Variants in CABIN1 observed in about 807,000 individuals in gnomAD.
CABIN1 encodes calcineurin binding protein 1.
A neutral mutation model predicts 227.7 loss-of-function variants in CABIN1; 133 were observed. That is an observed-to-expected ratio of 0.58 (90% CI 0.51 to 0.67). CABIN1 has a LOEUF of 0.67. CABIN1 is among the 30% of genes least tolerant of loss of function. CABIN1 has a pLI of 0.00. For missense variants in CABIN1, 2,408 were observed against 2,852.5 expected (o/e 0.84, Z 3.55); for synonymous variants, 1,086 against 1,155.1 (o/e 0.94, Z 1.21).
At chr22:24,152,084 G>A (rs1056399073) in intron 29 of CABIN1, among the ~76,000 whole-genome samples, 7 of 152,192 alleles carry the variant, frequency 4.6e-5, no homozygotes, top group South Asian at 2.1e-4. Context: ...ACCAGGTGCC[G>A]CATGTGCCGT....
chr22:24,114,091 G>A (rs1448487894), intron 27 of CABIN1, among the ~76,000 whole-genome samples: 2 of 150,318 alleles, frequency 1.3e-5, no homozygotes, highest in African/African-American at 5.0e-5. Flanking sequence ...TGTTGTTGTT[G>A]GTAAATGGTT....
At chr22:24,035,986 A>G (rs1053344017) in intron 2 of CABIN1, 103 bp from the exon 3 acceptor site, 1 of 818,238 alleles carries the variant, frequency 1.2e-6, no homozygotes, top group Non-Finnish European at 2.2e-6. Flanking sequence ...TCAAGGTAGA[A>G]TAGATCATAT....
chr22:24,071,215 A>G, intron 17 of CABIN1, 173 bp downstream of exon 17: 2 of 845,530 alleles, frequency 2.4e-6, no homozygotes, highest in South Asian at 3.1e-5. Context: ...GCAGGCTGCA[A>G]ACCTTCCTGG....
chr22:24,063,989 G>A (rs1432612395), intron 14 of CABIN1, 46 bp from the exon 15 acceptor site: 3 of 1,612,518 alleles, frequency 1.9e-6, no homozygotes, highest in South Asian at 2.2e-5. Flanking sequence ...GCACATCATA[G>A]TCAGTCTTCT....
intron 29 of CABIN1, among the ~76,000 whole-genome samples, chr22:24,153,734 G>A (rs1014335212): frequency 1.3e-5 from 2 of 152,262 alleles, no homozygotes; most frequent in Non-Finnish European, 2.9e-5. Context: ...TGTGGTGCTG[G>A]GAGGGGGACC....
chr22:24,097,670 GTCAGGCTGTCACACA>G (rs1296470962), intron 25 of CABIN1, among the ~76,000 whole-genome samples: 2 of 152,240 alleles, frequency 1.3e-5, no homozygotes, highest in African/African-American at 4.8e-5. Flanking sequence ...TCTTAAGTTT[GTCAGGCTGTCACACA>G]GAAGGCATAG....
chr22:24,105,918 C>G (rs2042485563), intron 26 of CABIN1, among the ~76,000 whole-genome samples: 9 of 152,204 alleles, frequency 5.9e-5, no homozygotes, highest in Admixed American at 5.9e-4. Context: ...TCTGAGGGCT[C>G]AGCACAGGCC....
chr22:24,029,861 A>G (rs556136027), intron 1 of CABIN1, among the ~76,000 whole-genome samples: 42 of 152,296 alleles, frequency 2.8e-4, no homozygotes, highest in African/African-American at 1.0e-3. Flanking sequence ...TCAGTTCAGT[A>G]TGTGTCTGTG....
chr22:24,128,193 C>T (rs2043851624), intron 28 of CABIN1, among the ~76,000 whole-genome samples: 2 of 151,644 alleles, frequency 1.3e-5, no homozygotes, highest in African/African-American at 4.8e-5. Context: ...CAAACAGACA[C>T]ACACTCACAG....
At chr22:24,135,793 G>A (rs1292179684) in intron 29 of CABIN1, among the ~76,000 whole-genome samples, 2 of 152,232 alleles carry the variant, frequency 1.3e-5, no homozygotes, top group South Asian at 2.1e-4. Context: ...GAGGAGAGCA[G>A]GTTTCAGGTC....
intron 28 of CABIN1, among the ~76,000 whole-genome samples, chr22:24,122,716 C>A (rs926554759): frequency 2.0e-5 from 3 of 150,766 alleles, no homozygotes; most frequent in Non-Finnish European, 4.4e-5. Context: ...TAAAAAAAAA[C>A]AAAAACAAAA....
rs879284358 is a variant in CABIN1, at chr22:24,171,726, C to A, written c.5771C>A (p.Thr1924Asn). The A allele has an allele frequency of 6.2e-7, 1 of 1,614,094 alleles. No individual in the cohort carries two copies. The highest frequency in any genetic ancestry group is 1.7e-5 in the Admixed American group (1 of 60,024). Residue 1924 changes from threonine (T) to asparagine (N), a missense_variant, in exon 34 of 37, where the codon ACC becomes AAC. By Grantham distance (65) the Thr-to-Asn change is moderately conservative (BLOSUM62 0). This residue lies in a region of CABIN1 where 714 missense variants were observed against 773.8 expected (regional missense o/e 0.92). Transcript: ENST00000263119. ...TTGTCCTCACAGGCCTCGGGGGACA[C>A]CCCCACCACTCCAAAGCACCCCAAA... Reference protein sequence around the residue: ...AAAQRQASGDTPTTPKHPKDS... With the variant: ...AAAQRQASGDNPTTPKHPKDS...
intron 8 of CABIN1, among the ~76,000 whole-genome samples, chr22:24,054,116 G>A (rs746847963): frequency 6.6e-6 from 1 of 152,204 alleles, no homozygotes; most frequent in Non-Finnish European, 1.5e-5. Context: ...GTGAGAGGAG[G>A]CTGTGCAGCA....
intron 26 of CABIN1, among the ~76,000 whole-genome samples, chr22:24,104,310 G>A (rs1361426273): frequency 6.6e-6 from 1 of 152,184 alleles, no homozygotes; most frequent in Non-Finnish European, 1.5e-5. Flanking sequence ...AAGAGGGGCT[G>A]TTCACCTGCC....
At chr22:24,046,086 T>G (rs571802890) in intron 6 of CABIN1, among the ~76,000 whole-genome samples, 6 of 152,240 alleles carry the variant, frequency 3.9e-5, no homozygotes, top group Admixed American at 3.9e-4. Flanking sequence ...AAAGATGAAC[T>G]TTGCCTGTTG....
At chr22:24,058,990 G>A (rs775522662) in intron 10 of CABIN1, among the ~76,000 whole-genome samples, 8 of 152,252 alleles carry the variant, frequency 5.3e-5, no homozygotes, top group Non-Finnish European at 1.2e-4. Flanking sequence ...CATAGCTGGT[G>A]CTCGGTAATC....
At chr22:24,169,313 G>A (rs936387221) in intron 33 of CABIN1, among the ~76,000 whole-genome samples, 1 of 152,108 alleles carries the variant, frequency 6.6e-6, no homozygotes, top group Non-Finnish European at 1.5e-5. Context: ...GGGGTGTCCC[G>A]ATGCCCCCGG....
chr22:24,144,972 G>C (rs1342875510), intron 29 of CABIN1, among the ~76,000 whole-genome samples: 1 of 152,274 alleles, frequency 6.6e-6, no homozygotes, highest in African/African-American at 2.4e-5. Context: ...TGAGCAGACA[G>C]TGTGAGAATG....
intron 28 of CABIN1, 43 bp downstream of exon 28, chr22:24,119,741 C>A: frequency 1.3e-6 from 2 of 1,552,874 alleles, no homozygotes; most frequent in Non-Finnish European, 1.8e-6. Context: ...CTTCCCAGGG[C>A]AGCTGGGCAT....
Sources: allele counts gnomAD v4.1 joint callset (sites outside exome capture counted in the v4.1 genomes callset), GRCh38; gene constraint gnomAD v4.1.1; regional missense constraint gnomAD v4.1.1; transcripts MANE v1.5; gene names NCBI Gene and HGNC (gene_info 2026-07-23, HGNC 2026-07-21).